Variants in PTX4 observed in about 807,000 individuals in gnomAD.
PTX4 encodes the protein pentraxin-4.
PTX4 carries 23 observed loss-of-function variants against 19.1 expected under a neutral mutation model. The observed-to-expected ratio is 1.20, with a 90% CI of 0.87 to 1.70. PTX4 has a LOEUF of 1.70. Among genes scored for constraint, PTX4 ranks in the 40% most tolerant of loss-of-function variants. The pLI is 0.00. For synonymous variants in PTX4, 317 were observed against 279.6 expected (o/e 1.13, Z -1.33); for missense variants, 678 against 610.5 (o/e 1.11, Z -1.17).
In PTX4 at chr16:1,487,358, C is replaced by T. The variant is rs1405518848; in HGVS notation, c.754G>A (p.Asp252Asn). ...HRVLSGTAPKDPRQQAWSPQV... is the reference protein window; with the variant it reads ...HRVLSGTAPKNPRQQAWSPQV... ...GGGGACCATGCCTGCTGCCGAGGGT[C>T]TTTTGGGGCAGTCCCACTGAGTACC... Residue 252 changes from aspartate (D) to asparagine (N), a missense_variant, in exon 2 of 3, where the codon GAC becomes AAC. Coordinates refer to ENST00000447419, the MANE Select transcript of PTX4 (RefSeq NM_001328608.2). The T allele has an allele frequency of 6.4e-7, 1 of 1,557,944 alleles. No homozygotes were observed. Among genetic ancestry groups the T allele is most frequent in the South Asian group, 1.2e-5 (1 of 82,032 alleles).
chr16:1,487,853 C>T lies in PTX4; in HGVS notation c.259G>A (p.Ala87Thr), dbSNP rs773544520. 1.2e-6 allele frequency: 2 copies of T among 1,613,162 alleles called. No individual in the cohort carries two copies. Among genetic ancestry groups the T allele is most frequent in the Admixed American group, 3.3e-5 (2 of 60,032 alleles). ...RSLAEESQAV[A>T]QAVNRSQASV... ...GCCTGTGACCGGTTGACTGCCTGAG[C>T]CACAGCCTGGCTCTCTTCCGCCAGG... The change falls in exon 2 of 3, where the codon GCT becomes ACT. Residue 87 changes from alanine to threonine, a missense_variant. Ala to Thr is a moderately conservative substitution (Grantham distance 58). Coordinates refer to ENST00000447419, the MANE Select transcript of PTX4 (RefSeq NM_001328608.2).
chr16:1,488,726 C>T, intron 1 of PTX4, 43 bp downstream of exon 1: 1 of 662,102 alleles, frequency 1.5e-6, no homozygotes, highest in Non-Finnish European at 2.8e-6. Context: ...CATCTGCTGC[C>T]AATTTAAAAA....
intron 1 of PTX4, chr16:1,488,422 G>C (rs1255432195): frequency 6.2e-7 from 1 of 1,613,828 alleles, no homozygotes; most frequent in African/African-American, 1.3e-5. Context: ...CGTTCACACC[G>C]ACTGCCACAA....
rs922976582 is a variant in PTX4 at position 1,485,887 on chromosome 16, G to C, written c.*52C>G. 2 of 1,542,196 alleles carry C rather than the reference G, an allele frequency of 1.3e-6. No homozygotes were observed. The highest frequency in any genetic ancestry group is 3.6e-5 in the Admixed American group (2 of 55,026). ...CTGGCGGGGAGGGCGGTGGCGGAAT[G>C]TGGATGGGGGCATGCTGCCCTTGCT... On this transcript the variant is annotated 3_prime_UTR_variant, in exon 3 of 3. Transcript: ENST00000447419.
Position 1,487,940 on chromosome 16 carries a change from G to A in PTX4, c.172C>T (p.His58Tyr), listed in dbSNP as rs534805759. 77 of 1,602,098 alleles carry A rather than the reference G, an allele frequency of 4.8e-5. No individual in the cohort carries two copies. In the South Asian group the frequency reaches 8.3e-4, roughly 17 times the overall value. ...FRRFQEVTWT[H>Y]LQNIASNYNV... The stretch of plus-strand genomic sequence containing the variant: ...TAGTTGCTGGCGATGTTCTGCAGGT[G>A]TGTCCAGGTCACCTCCTGGAATCTC... Residue 58 changes from histidine (H) to tyrosine (Y), a missense_variant, in exon 2 of 3, where the codon CAC becomes TAC. Coordinates refer to ENST00000447419, the MANE Select transcript of PTX4 (RefSeq NM_001328608.2).
At chr16:1,488,380 G>A in intron 1 of PTX4, 2 of 1,613,924 alleles carry the variant, frequency 1.2e-6, no homozygotes, top group Non-Finnish European at 1.7e-6. Context: ...CTCCGGAACT[G>A]TCCGTGGACC....
chr16:1,488,825 C>T lies in PTX4; in HGVS notation c.85G>A (p.Ala29Thr), dbSNP rs974382327. The T allele has an allele frequency of 2.3e-5, 16 of 702,412 alleles. No homozygotes were observed. Among genetic ancestry groups the T allele is most frequent in the East Asian group, 5.4e-5 (2 of 37,290 alleles). The allele number at this position is 702,412 out of a possible 1,614,324, so 43.5% of individuals were successfully genotyped here. ...AACGGTTTCCTGGGCCCCACTGGGG[C>T]GGCTTCCTGCGATGAAGCCCCATGT... Reference protein sequence around the residue: ...YLHGASSQEAAPVGPRKPFFE... With the variant: ...YLHGASSQEATPVGPRKPFFE... The change falls in exon 1 of 3, where the codon GCC becomes ACC. Residue 29 changes from alanine to threonine, a missense_variant. Physicochemically the swap from Ala to Thr is moderately conservative, Grantham distance 58 (BLOSUM62 0). Transcript: ENST00000447419.
In PTX4 at chr16:1,486,544, C is replaced by T. The variant is rs148493506; in HGVS notation, c.832G>A (p.Ala278Thr). The T allele has an allele frequency of 1.1e-5, 17 of 1,563,064 alleles. No individual in the cohort carries two copies. The highest frequency in any genetic ancestry group is 9.6e-5 in the African/African-American group (7 of 72,894). Residue 278 changes from alanine to threonine, a missense_variant, in exon 3 of 3, where the codon GCC becomes ACC. By Grantham distance (58) the Ala-to-Thr change is moderately conservative. Coordinates refer to ENST00000447419, the MANE Select transcript of PTX4 (RefSeq NM_001328608.2). ...AGGAAGACCACGTTCCTGGTGGAGG[C>T]GTTTGGGAAAACGAGGGTGGGGCCC... Reference protein sequence around the residue: ...GVGPTLVFPNASTRNVVFLSP... With the variant: ...GVGPTLVFPNTSTRNVVFLSP...
intron 1 of PTX4, chr16:1,488,383 C>A (rs779522056): frequency 6.2e-7 from 1 of 1,613,922 alleles, no homozygotes; most frequent in South Asian, 1.1e-5. Flanking sequence ...CGGAACTGTC[C>A]GTGGACCCCG....
chr16:1,488,461 T>A (rs773889436), intron 1 of PTX4: 1 of 1,613,128 alleles, frequency 6.2e-7, no homozygotes, highest in African/African-American at 1.3e-5. Context: ...CAGTTTCCAC[T>A]CCCCATGACA....
intron 2 of PTX4, among the ~76,000 whole-genome samples, chr16:1,487,064 G>A (rs1156887712): frequency 2.0e-5 from 3 of 152,154 alleles, no homozygotes; most frequent in Non-Finnish European, 2.9e-5. Context: ...ACCCTTCGGC[G>A]TGGGGCCTCC....
chr16:1,486,859 C>G (rs2039250910), intron 2 of PTX4, among the ~76,000 whole-genome samples: 2 of 152,202 alleles, frequency 1.3e-5, no homozygotes. Flanking sequence ...CCAGCTGAGC[C>G]AGCGCCCCTC....
intron 1 of PTX4, chr16:1,488,342 C>T (rs946788252): frequency 1.6e-5 from 26 of 1,612,998 alleles, no homozygotes; most frequent in Non-Finnish European, 2.2e-5. Flanking sequence ...CAGGAAGCAC[C>T]CAGCGCAGGC....
rs761033779 is a variant in PTX4 at position 1,486,455 on chromosome 16, G to A, written c.921C>T (p.Ser307=). ...AGGACAGGAGGGTGCCCAGGCGGCC[G>A]GAGGCCGTGCGGACCCAGCTGCAGA... ...LSFCSWVRTA[S]GRLGTLLSYA... is the part of the protein sequence containing the mutation. The change falls in exon 3 of 3, where the codon TCC becomes TCT. Residue 307 remains serine (S), a synonymous_variant. Coordinates refer to ENST00000447419, the MANE Select transcript of PTX4 (RefSeq NM_001328608.2). 1.9e-5 allele frequency: 30 copies of A among 1,613,552 alleles called. 1 individual carries two copies. The highest frequency in any genetic ancestry group is 1.3e-4 in the Admixed American group (8 of 59,956).
At chr16:1,488,084 C>T in intron 1 of PTX4, 114 bp from the exon 2 acceptor site, 2 of 1,163,478 alleles carry the variant, frequency 1.7e-6, no homozygotes, top group Non-Finnish European at 2.4e-6. Context: ...GGGCCACGGC[C>T]AGCACTGGCT....
rs1183676584 is a variant in PTX4 at position 1,487,968 on chromosome 16, G to C, written c.144C>G (p.Phe48Leu). ...TCCAGGTCACCTCCTGGAATCTCCGGAACTGTAAGGAGGACACGGTGATGA... is the reference window on the plus strand; with the variant it reads ...TCCAGGTCACCTCCTGGAATCTCCGCAACTGTAAGGAGGACACGGTGATGA... ...FERLRRLEEQ[F>L]RRFQEVTWTH... Residue 48 changes from phenylalanine (F) to leucine (L), a missense_variant and splice_region_variant, in exon 2 of 3, where the codon TTC becomes TTG. Physicochemically the swap from Phe to Leu is conservative, Grantham distance 22 (BLOSUM62 0). Transcript: ENST00000447419. 6.4e-7 allele frequency: 1 copy of C among 1,573,026 alleles called. No homozygotes were observed. The highest frequency in any genetic ancestry group is 1.2e-5 in the South Asian group (1 of 85,672).
In PTX4 at chr16:1,488,365, C is replaced by T. The variant is rs751163469; in HGVS notation, c.142-395G>A. On this transcript the variant is annotated intron_variant, in intron 1 of 2. Coordinates refer to ENST00000447419, the MANE Select transcript of PTX4 (RefSeq NM_001328608.2). The stretch of plus-strand genomic sequence containing the variant: ...ACCCAGCGCAGGCCCGACAGGCCCA[C>T]AGCACTCCGGAACTGTCCGTGGACC... The T allele has an allele frequency of 2.5e-6, 4 of 1,613,738 alleles. No individual in the cohort carries two copies. In the African/African-American group the frequency reaches 5.3e-5, roughly 22 times the overall value.
chr16:1,488,122 C>A, intron 1 of PTX4, 152 bp from the exon 2 acceptor site: 1 of 1,044,896 alleles, frequency 9.6e-7, no homozygotes, highest in South Asian at 1.6e-5. Context: ...ATCCCCACTG[C>A]GATGCCGTGA....
chr16:1,487,240 G>A, intron 2 of PTX4, 76 bp downstream of exon 2: 3 of 1,367,338 alleles, frequency 2.2e-6, no homozygotes, highest in Non-Finnish European at 2.9e-6. Context: ...CTTTTGAGAA[G>A]CCTTTTCCAG....
Sources: gnomAD v4.1 joint callset for allele counts (sites outside exome capture counted in the v4.1 genomes callset) on GRCh38, gnomAD v4.1.1 for gene constraint, MANE v1.5 for transcripts, NCBI Gene and HGNC (gene_info 2026-07-23, HGNC 2026-07-21) for gene names.